Variants in TRPS1 observed in about 807,000 individuals in gnomAD.
TRPS1 encodes the protein transcriptional repressor GATA binding 1.
In TRPS1, 6 loss-of-function variants were observed where a neutral mutation model predicts 101.2. That is an observed-to-expected ratio of 0.06 (90% CI 0.03 to 0.12). The LOEUF is 0.12. Ranked by LOEUF, TRPS1 falls within the 10% of genes least tolerant of loss-of-function variation. The pLI, the probability that TRPS1 is intolerant of heterozygous loss-of-function variation, is 1.00. For synonymous variants in TRPS1, 578 were observed against 589.8 expected (o/e 0.98, Z 0.29); for missense variants, 1,363 against 1,567.0 (o/e 0.87, Z 2.20).
chr8:115,524,686 C>T (rs760628096), intron 5 of TRPS1, among the ~76,000 whole-genome samples: 16 of 152,026 alleles, frequency 1.1e-4, no homozygotes, highest in Non-Finnish European at 2.1e-4. Context: ...TCAACTCTTA[C>T]TCTCAAATAT....
intron 5 of TRPS1, among the ~76,000 whole-genome samples, chr8:115,486,093 A>G (rs1814872297): frequency 6.6e-6 from 1 of 152,184 alleles, no homozygotes; most frequent in Non-Finnish European, 1.5e-5. Flanking sequence ...AGTCTAAAGG[A>G]GCCATTTTCC....
chr8:115,533,450 T>TTTTTTTTTTG (rs1816197846), intron 5 of TRPS1, among the ~76,000 whole-genome samples: 4 of 130,066 alleles, frequency 3.1e-5, no homozygotes, highest in African/African-American at 1.3e-4. Flanking sequence ...TTTTTTTTTT[T>TTTTTTTTTTG]TTTTTTTTTC....
Position 115,414,440 on chromosome 8 carries a change from A to C in TRPS1, c.3468T>G (p.Pro1156=). ...GAGGAGGCAGATTGAAGGTGGGATA[A>C]GGCACATAGTTTTGGCAAGGATTTG... is the stretch of plus-strand genomic sequence containing the variant. ...GLPNPCQNYV[P]YPTFNLPPHF... is the part of the protein sequence containing the mutation. Residue 1156 remains proline (P), a synonymous_variant, in exon 7 of 7, where the codon CCT becomes CCG. Coordinates refer to ENST00000395715, the MANE Select transcript of TRPS1 (RefSeq NM_014112.5). This position sits in a 1 kb window ranked among gnomAD's most constrained non-coding sequence, Gnocchi z 4.8. The C allele has an allele frequency of 6.2e-7, 1 of 1,614,006 alleles. No homozygotes were observed. The highest frequency in any genetic ancestry group is 1.1e-5 in the South Asian group (1 of 91,084).
intron 5 of TRPS1, among the ~76,000 whole-genome samples, chr8:115,584,015 A>G (rs991415166): frequency 2.6e-5 from 4 of 151,978 alleles, no homozygotes; most frequent in Non-Finnish European, 4.4e-5. Context: ...GCAAACTTTC[A>G]TTGCTAAAAC....
chr8:115,591,926 G>A (rs1379364961), intron 4 of TRPS1, among the ~76,000 whole-genome samples: 1 of 152,112 alleles, frequency 6.6e-6, no homozygotes, highest in East Asian at 1.9e-4. Flanking sequence ...GAGAAAGAGT[G>A]CCTTGCCCAT....
chr8:115,668,055 G>T (rs1337604247), intron 1 of TRPS1: 3 of 665,242 alleles, frequency 4.5e-6, no homozygotes, highest in African/African-American at 1.8e-5. Flanking sequence ...CTGCGAGGGG[G>T]AGGGGGCACC....
At chr8:115,590,127 AAAC>A (rs201568126) in intron 4 of TRPS1, among the ~76,000 whole-genome samples, 13 of 152,150 alleles carry the variant, frequency 8.5e-5, no homozygotes, top group African/African-American at 1.4e-4. Context: ...AAACAAAACA[AAAC>A]AACAACAACA....
intron 5 of TRPS1, among the ~76,000 whole-genome samples, chr8:115,533,828 A>G (rs1057302700): frequency 2.6e-5 from 4 of 151,982 alleles, no homozygotes; most frequent in Non-Finnish European, 5.9e-5. Context: ...TCTTCTCTCC[A>G]TAGGCTAACA....
At chr8:115,473,828 C>T (rs1814532245) in intron 5 of TRPS1, among the ~76,000 whole-genome samples, 1 of 152,146 alleles carries the variant, frequency 6.6e-6, no homozygotes, top group African/African-American at 2.4e-5. Flanking sequence ...TGGCATTTTC[C>T]AGCACAAAGG....
At chr8:115,481,430 CAGAGT>C (rs1814749624) in intron 5 of TRPS1, among the ~76,000 whole-genome samples, 1 of 151,522 alleles carries the variant, frequency 6.6e-6, no homozygotes, top group African/African-American at 2.4e-5. Context: ...AAAACCCATA[CAGAGT>C]AATTATATTT....
intron 3 of TRPS1, among the ~76,000 whole-genome samples, chr8:115,611,693 C>T (rs1238035469): frequency 6.6e-6 from 1 of 152,142 alleles, no homozygotes. Context: ...GGAAACAAAA[C>T]CAGTAAAATC....
rs566466986 is a variant in TRPS1 at position 115,551,466 on chromosome 8, T to C, written c.2700+35535A>G. Among the ~76,000 whole-genome samples, 3 of 152,332 alleles carry C rather than the reference T, an allele frequency of 2.0e-5. No individual in the cohort carries two copies. In the South Asian group the frequency reaches 6.2e-4, roughly 32 times the overall value. ...TGCTTGTATACTGTATGTGGTTTAG[T>C]ACGTGTTAAATACACATTTAAAAAT... On this transcript the variant is annotated intron_variant, in intron 5 of 6. Coordinates refer to ENST00000395715, the MANE Select transcript of TRPS1 (RefSeq NM_014112.5).
At chr8:115,618,460 T>C (rs531585237) in intron 3 of TRPS1, among the ~76,000 whole-genome samples, 59 of 152,240 alleles carry the variant, frequency 3.9e-4, no homozygotes, top group African/African-American at 1.3e-3. Context: ...AAAGTAAAAA[T>C]CTAAATTATT....
At chr8:115,561,867 A>C (rs767522881) in intron 5 of TRPS1, among the ~76,000 whole-genome samples, 1 of 152,126 alleles carries the variant, frequency 6.6e-6, no homozygotes, top group Non-Finnish European at 1.5e-5. Flanking sequence ...TAGTAAAAAC[A>C]AAAACCTAGG....
intron 5 of TRPS1, among the ~76,000 whole-genome samples, chr8:115,575,967 T>A (rs1180633798): frequency 6.6e-6 from 1 of 152,124 alleles, no homozygotes; most frequent in African/African-American, 2.4e-5. Context: ...AAATTCTGAT[T>A]TGAACATCTG....
chr8:115,665,204 C>T (rs1196789060), intron 1 of TRPS1, among the ~76,000 whole-genome samples: 3 of 152,080 alleles, frequency 2.0e-5, no homozygotes, highest in African/African-American at 4.8e-5. Flanking sequence ...AGTTCAAAAA[C>T]AATTTGCTGC....
At chr8:115,582,132 C>A (rs549605403) in intron 5 of TRPS1, among the ~76,000 whole-genome samples, 20 of 152,110 alleles carry the variant, frequency 1.3e-4, no homozygotes, top group African/African-American at 4.8e-4. Context: ...AAGTCCAAAT[C>A]GGGTGAGAAA....
intron 5 of TRPS1, among the ~76,000 whole-genome samples, chr8:115,493,233 T>C (rs574039646): frequency 6.6e-6 from 1 of 152,320 alleles, no homozygotes; most frequent in African/African-American, 2.4e-5. Flanking sequence ...AGCCACTAGC[T>C]TTTAACTTCC....
intron 5 of TRPS1, among the ~76,000 whole-genome samples, chr8:115,465,445 A>G (rs1814292809): frequency 6.6e-6 from 1 of 152,108 alleles, no homozygotes; most frequent in African/African-American, 2.4e-5. Flanking sequence ...AAATTCCAAA[A>G]CACTAGGGAC....
Sources: allele counts gnomAD v4.1 joint callset (sites outside exome capture counted in the v4.1 genomes callset), GRCh38; gene constraint gnomAD v4.1.1; non-coding constraint Gnocchi (gnomAD v3.1); transcripts MANE v1.5; gene names NCBI Gene and HGNC (gene_info 2026-07-23, HGNC 2026-07-21).